MB21D2: variants seen among roughly 807,000 people sequenced by gnomAD.
MB21D2 encodes the protein nucleotidyltransferase MB21D2.
Under a neutral mutation model 33.3 loss-of-function variants are expected in MB21D2, and 9 were observed. The ratio of observed to expected loss-of-function variants is 0.27; its 90% CI spans 0.16 to 0.47. The LOEUF (loss-of-function observed/expected upper bound fraction) is 0.47. MB21D2 is among the 20% of genes least tolerant of loss of function. The pLI is 0.99. For synonymous variants in MB21D2, 241 were observed against 236.3 expected (o/e 1.02, Z -0.18); for missense variants, 540 against 624.6 (o/e 0.86, Z 1.44).
rs1446492735 is a variant in MB21D2, at chr3:192,797,007, G to C, written c.*1379C>G. On this transcript the variant is annotated 3_prime_UTR_variant, in exon 2 of 2. Transcript: ENST00000392452. The stretch of plus-strand genomic sequence containing the variant: ...CAAGACCAAAATGAACACGTTACTT[G>C]CCCTTTCTATGAGTAGACATCATGG... The C allele has an allele frequency of 6.6e-6, 1 of 152,524 alleles. No individual in the cohort carries two copies. The highest frequency in any genetic ancestry group is 1.5e-5 in the Non-Finnish European group (1 of 68,030). The allele number at this position is 152,524 out of a possible 1,614,324, so 9.4% of individuals were successfully genotyped here.
intron 1 of MB21D2, among the ~76,000 whole-genome samples, chr3:192,906,363 G>A (rs1204668738): frequency 6.6e-6 from 1 of 152,138 alleles, no homozygotes; most frequent in Non-Finnish European, 1.5e-5. Flanking sequence ...TAAATGCCAA[G>A]GCAGGCAGCC....
At chr3:192,910,808 C>A (rs1450379257) in intron 1 of MB21D2, among the ~76,000 whole-genome samples, 1 of 152,178 alleles carries the variant, frequency 6.6e-6, no homozygotes, top group South Asian at 2.1e-4. Context: ...CATTTTCTAT[C>A]ATTGGAAAAC....
Position 192,889,377 on chromosome 3 carries a change from CAGG to C in MB21D2, c.211+28250_211+28252del, listed in dbSNP as rs372641059. The stretch of plus-strand genomic sequence containing the variant: ...GGCTGGAATGCACAGACCCAGAGAG[CAGG>C]AGCTCTTGGCAGAAAAGAATTCAAT... On this transcript the variant is annotated intron_variant, in intron 1 of 1. Coordinates refer to ENST00000392452, the MANE Select transcript of MB21D2 (RefSeq NM_178496.4). Among the ~76,000 whole-genome samples, 625 of 152,220 alleles carry C rather than the reference CAGG, an allele frequency of 4.1e-3. 13 individuals are homozygous for C. Among genetic ancestry groups the C allele is most frequent in the African/African-American group, 0.014 (593 of 41,474 alleles).
intron 1 of MB21D2, among the ~76,000 whole-genome samples, chr3:192,861,175 CAAG>C (rs1446272071): frequency 6.6e-6 from 1 of 152,216 alleles, no homozygotes; most frequent in Admixed American, 6.5e-5. Context: ...AAGTCACAAA[CAAG>C]AAGTGGAGCC....
At chr3:192,907,863 A>AGCCCTGAGTAT in intron 1 of MB21D2, among the ~76,000 whole-genome samples, 1 of 152,294 alleles carries the variant, frequency 6.6e-6, no homozygotes, top group African/African-American at 2.4e-5. Flanking sequence ...CATTCTGAAA[A>AGCCCTGAGTAT]GCCCTGAGTA....
intron 1 of MB21D2, among the ~76,000 whole-genome samples, chr3:192,847,733 T>C (rs1712705445): frequency 6.6e-6 from 1 of 152,208 alleles, no homozygotes; most frequent in Non-Finnish European, 1.5e-5. Context: ...CTTTATTAAC[T>C]GGCTAAAACA....
At chr3:192,899,203 C>G (rs1281914541) in intron 1 of MB21D2, among the ~76,000 whole-genome samples, 1 of 152,124 alleles carries the variant, frequency 6.6e-6, no homozygotes, top group African/African-American at 2.4e-5. Context: ...TGGGCTGGAG[C>G]TGGGTTTCCA....
At chr3:192,904,066 T>C (rs1309205287) in intron 1 of MB21D2, among the ~76,000 whole-genome samples, 2 of 152,200 alleles carry the variant, frequency 1.3e-5, no homozygotes, top group Admixed American at 6.5e-5. Context: ...ACCTTCCTCA[T>C]AGTGTTGGTG....
chr3:192,825,361 C>A (rs1171314021), intron 1 of MB21D2, among the ~76,000 whole-genome samples: 3 of 152,154 alleles, frequency 2.0e-5, no homozygotes, highest in Admixed American at 2.0e-4. Flanking sequence ...TCATTTCAGG[C>A]AAATTCTCAT....
chr3:192,892,587 C>A (rs1349091978), intron 1 of MB21D2, among the ~76,000 whole-genome samples: 4 of 152,088 alleles, frequency 2.6e-5, no homozygotes, highest in Non-Finnish European at 5.9e-5. Flanking sequence ...ATTACAGGCA[C>A]CTGCCACCAC....
intron 1 of MB21D2, among the ~76,000 whole-genome samples, chr3:192,830,831 GT>G (rs1466514392): frequency 3.9e-5 from 6 of 152,228 alleles, no homozygotes; most frequent in Non-Finnish European, 7.3e-5. Flanking sequence ...AGAAGATCCA[GT>G]GGATCTGTAG....
intron 1 of MB21D2, among the ~76,000 whole-genome samples, chr3:192,857,358 G>A (rs1031619360): frequency 6.6e-6 from 1 of 152,216 alleles, no homozygotes; most frequent in African/African-American, 2.4e-5. Flanking sequence ...CCATGTGGAA[G>A]ATGGGCTTTA....
At chr3:192,830,075 G>A (rs966565467) in intron 1 of MB21D2, among the ~76,000 whole-genome samples, 15 of 151,918 alleles carry the variant, frequency 9.9e-5, no homozygotes, top group South Asian at 2.1e-4. Context: ...TTGCTATGTT[G>A]CCCAGGCCTC....
At chr3:192,808,252 T>C (rs906819803) in intron 1 of MB21D2, among the ~76,000 whole-genome samples, 1 of 152,118 alleles carries the variant, frequency 6.6e-6, no homozygotes, top group Admixed American at 6.6e-5. Flanking sequence ...CATGAACAGC[T>C]CCCACACTAA....
chr3:192,909,480 C>T (rs1055504472), intron 1 of MB21D2, among the ~76,000 whole-genome samples: 10 of 152,166 alleles, frequency 6.6e-5, no homozygotes, highest in South Asian at 6.2e-4. Flanking sequence ...CAAAAACATA[C>T]GAACCACTAA....
intron 1 of MB21D2, among the ~76,000 whole-genome samples, chr3:192,890,760 A>G (rs912459823): frequency 6.6e-6 from 1 of 152,034 alleles, no homozygotes; most frequent in Non-Finnish European, 1.5e-5. Flanking sequence ...TGCTCTGAGG[A>G]TATGGCATTA....
At chr3:192,876,038 T>C (rs1713420805) in intron 1 of MB21D2, among the ~76,000 whole-genome samples, 1 of 152,324 alleles carries the variant, frequency 6.6e-6, no homozygotes, top group South Asian at 2.1e-4. Flanking sequence ...CCTTTCCTCA[T>C]GTGTAAATTA....
In MB21D2 at chr3:192,896,606, G is replaced by A. The variant is rs566784656; in HGVS notation, c.211+21024C>T. On this transcript the variant is annotated intron_variant, in intron 1 of 1. Transcript: ENST00000392452. ...AAAAGCACTGGTATTGTTCATCTCA[G>A]ACAATGAAAACTTAACACAGAACCA... Among the ~76,000 whole-genome samples the A allele has an allele frequency of 3.3e-5, 5 of 152,274 alleles. No individual in the cohort carries two copies. In the East Asian group the frequency reaches 9.6e-4, roughly 29 times the overall value.
intron 1 of MB21D2, among the ~76,000 whole-genome samples, chr3:192,876,492 C>T (rs1713430069): frequency 6.6e-6 from 1 of 152,228 alleles, no homozygotes; most frequent in South Asian, 2.1e-4. Flanking sequence ...CCTAACTGGT[C>T]TTCTTTGTTA....
Sources: gnomAD v4.1 joint callset for allele counts (sites outside exome capture counted in the v4.1 genomes callset) on GRCh38, gnomAD v4.1.1 for gene constraint, MANE v1.5 for transcripts, NCBI Gene and HGNC (gene_info 2026-07-23, HGNC 2026-07-21) for gene names.